Variants in RGS18 observed in about 807,000 individuals in gnomAD.
RGS18 encodes the protein regulator of G-protein signaling 18.
In RGS18, 22 loss-of-function variants were observed where a neutral mutation model predicts 27.6. That is an observed-to-expected ratio of 0.80 (90% CI 0.57 to 1.14). The LOEUF (loss-of-function observed/expected upper bound fraction) is 1.14, where lower values mean the gene tolerates loss of function less well. RGS18 is among the 50% of genes most tolerant of loss of function. The probability of loss-of-function intolerance (pLI) is 0.00; values close to 1 mark genes in which losing one functional copy is unlikely to be tolerated. For synonymous variants in RGS18, 89 were observed against 84.6 expected, an observed-to-expected ratio of 1.05 and a Z score of -0.29; for missense variants, 299 against 269.6, an observed-to-expected ratio of 1.11 and a Z score of -0.76.
At chr1:192,166,108 G>A (rs1656159182) in intron 3 of RGS18, among the ~76,000 whole-genome samples, 1 of 152,110 alleles carries the variant, frequency 6.6e-6, no homozygotes, top group Admixed American at 6.5e-5. Context: ...AAAATATAGA[G>A]ATATATTATA....
intron 2 of RGS18, among the ~76,000 whole-genome samples, 181 bp downstream of exon 2, chr1:192,159,502 CTTGAA>C (rs1656033607): frequency 6.6e-6 from 1 of 152,068 alleles, no homozygotes; most frequent in Admixed American, 6.5e-5. Flanking sequence ...AATTAAATCG[CTTGAA>C]TTGAATAATC....
chr1:192,159,441 A>C, intron 2 of RGS18, 120 bp downstream of exon 2: 1 of 669,008 alleles, frequency 1.5e-6, no homozygotes, highest in Admixed American at 2.8e-5. Context: ...AAGGAAAGTT[A>C]GAAATTTCAT....
At chr1:192,164,467 T>A (rs1656127868) in intron 3 of RGS18, among the ~76,000 whole-genome samples, 1 of 152,140 alleles carries the variant, frequency 6.6e-6, no homozygotes, top group African/African-American at 2.4e-5. Flanking sequence ...TAATTCTATT[T>A]TATTCTAATT....
chr1:192,172,884 A>ATATATATATATAAAT (rs758940898), intron 3 of RGS18, among the ~76,000 whole-genome samples: 4 of 97,510 alleles, frequency 4.1e-5, no homozygotes, highest in Non-Finnish European at 7.0e-5. Context: ...TATATATATA[A>ATATATATATATAAAT]ATATATATAT....
chr1:192,184,261 A>G (rs1656504729), intron 4 of RGS18, 36 bp from the exon 5 acceptor site: 2 of 1,584,464 alleles, frequency 1.3e-6, no homozygotes, highest in African/African-American at 1.4e-5. Context: ...ATATAAGCAT[A>G]TTAACTATAA....
At chr1:192,159,124 G>A (rs1656025361) in intron 1 of RGS18, 96 bp from the exon 2 acceptor site, 8 of 749,102 alleles carry the variant, frequency 1.1e-5, no homozygotes, top group Admixed American at 2.3e-5. Context: ...ATGGGTGGGC[G>A]TGGGTTTTTA....
intron 3 of RGS18, chr1:192,169,402 T>C (rs1656218347): frequency 6.6e-6 from 1 of 152,222 alleles, no homozygotes; most frequent in South Asian, 2.1e-4. Flanking sequence ...CTTTCCTCTT[T>C]GGAAATATGA....
intron 3 of RGS18, among the ~76,000 whole-genome samples, chr1:192,164,722 T>C (rs113561140): frequency 3.9e-5 from 6 of 152,322 alleles, no homozygotes; most frequent in African/African-American, 1.4e-4. Context: ...GCTGAAGCTA[T>C]GGCAGAAGAA....
chr1:192,164,681 G>T (rs1315074611), intron 3 of RGS18, among the ~76,000 whole-genome samples: 1 of 152,058 alleles, frequency 6.6e-6, no homozygotes, highest in Non-Finnish European at 1.5e-5. Flanking sequence ...TTCTTGTTGT[G>T]GGAAGTCAGG....
chr1:192,177,015 T>C (rs1656370402), intron 3 of RGS18, among the ~76,000 whole-genome samples: 1 of 151,690 alleles, frequency 6.6e-6, no homozygotes. Flanking sequence ...GCAAAACTCA[T>C]GGGGTTAAAT....
At chr1:192,162,101 T>C (rs1656083528) in intron 3 of RGS18, among the ~76,000 whole-genome samples, 1 of 152,162 alleles carries the variant, frequency 6.6e-6, no homozygotes, top group African/African-American at 2.4e-5. Context: ...GGTAAGAAAG[T>C]TTGTGCTGAC....
In RGS18 at chr1:192,170,883, T is replaced by C. The variant is rs377331326; in HGVS notation, c.284-10409T>C. On this transcript the variant is annotated intron_variant, in intron 3 of 4. Coordinates refer to ENST00000367460, the MANE Select transcript of RGS18 (RefSeq NM_130782.3). ...GCTTTCAAAAATTAAGGGAATATAG[T>C]CTTGGACAATTCATGACACAAACTG... Among the ~76,000 whole-genome samples, 4 of 152,278 alleles carry C rather than the reference T, an allele frequency of 2.6e-5. No homozygotes were observed. In the East Asian group the frequency reaches 7.7e-4, roughly 29 times the overall value.
Position 192,184,633 on chromosome 1 carries a change from G to T in RGS18, c.*79G>T, listed in dbSNP as rs1656514782. 2 of 1,374,106 alleles carry T rather than the reference G, an allele frequency of 1.5e-6. No homozygotes were observed. The highest frequency in any genetic ancestry group is 2.0e-6 in the Non-Finnish European group (2 of 998,740). The allele number at this position is 1,374,106 out of a possible 1,614,324, so 85.1% of individuals were successfully genotyped here. A position where few individuals can be genotyped will look rare whatever the true frequency, so the allele number is the denominator to read the frequency against. ...TATCGCATGTTTATGTTAAGATTTGGTCCCATCCTTTAAACTGAAATATGT... is the reference window on the plus strand; with the variant it reads ...TATCGCATGTTTATGTTAAGATTTGTTCCCATCCTTTAAACTGAAATATGT... On this transcript the variant is annotated 3_prime_UTR_variant, in exon 5 of 5. Transcript: ENST00000367460.
In RGS18 at chr1:192,159,206, C is replaced by T; in HGVS notation, c.120-14C>T. On this transcript the variant is annotated splice_polypyrimidine_tract_variant and intron_variant, in intron 1 of 4. Transcript: ENST00000367460. ...CATCTAAATTGTCCTGACATGAAGGCCTTTTTATTACAGAGCTAAGGAAAA... is the reference window on the plus strand; with the variant it reads ...CATCTAAATTGTCCTGACATGAAGGTCTTTTTATTACAGAGCTAAGGAAAA... The T allele has an allele frequency of 6.4e-7, 1 of 1,563,032 alleles. No homozygotes were observed. The highest frequency in any genetic ancestry group is 8.8e-7 in the Non-Finnish European group (1 of 1,135,038).
At chr1:192,168,151 T>C (rs1340964358) in intron 3 of RGS18, 3 of 152,186 alleles carry the variant, frequency 2.0e-5, no homozygotes, top group African/African-American at 7.2e-5. Context: ...TTACTGCCTC[T>C]GTATGAGAAA....
intron 3 of RGS18, among the ~76,000 whole-genome samples, chr1:192,177,197 A>G (rs1426640720): frequency 6.6e-6 from 1 of 151,808 alleles, no homozygotes; most frequent in Non-Finnish European, 1.5e-5. Flanking sequence ...TAACTTTTTA[A>G]ATAAATTAGT....
chr1:192,158,893 C>T, intron 1 of RGS18, 137 bp downstream of exon 1: 2 of 656,446 alleles, frequency 3.0e-6, no homozygotes, highest in Non-Finnish European at 5.2e-6. Context: ...AAAAAAAACA[C>T]CTTTTTATTT....
chr1:192,183,081 AATT>A (rs1656482838), intron 4 of RGS18, among the ~76,000 whole-genome samples: 1 of 151,552 alleles, frequency 6.6e-6, no homozygotes, highest in African/African-American at 2.4e-5. Context: ...CTAAAATATT[AATT>A]AAGTAGAGCT....
chr1:192,168,081 A>G (rs1656192138), intron 3 of RGS18: 1 of 152,190 alleles, frequency 6.6e-6, no homozygotes, highest in African/African-American at 2.4e-5. Context: ...CCCAGGTTCT[A>G]TCAAGCACTT....
Sources: gnomAD v4.1 joint callset for allele counts (sites outside exome capture counted in the v4.1 genomes callset) on GRCh38, gnomAD v4.1.1 for gene constraint, MANE v1.5 for transcripts, NCBI Gene and HGNC (gene_info 2026-07-23, HGNC 2026-07-21) for gene names.